The following KCNN3 variants were observed in gnomAD, a reference collection of about 807,000 sequenced individuals.
KCNN3 encodes potassium calcium-activated channel subfamily N member 3.
In KCNN3, 16 loss-of-function variants were observed where a neutral mutation model predicts 62.9. The observed-to-expected ratio is 0.25, with a 90% CI of 0.17 to 0.39. The LOEUF is 0.39. Among genes scored for constraint, KCNN3 ranks in the 10% least tolerant of loss-of-function variants. The probability of loss-of-function intolerance (pLI) is 1.00; values close to 1 mark genes in which losing one functional copy is unlikely to be tolerated. For synonymous variants in KCNN3, 370 were observed against 389.2 expected (o/e 0.95, Z 0.58); for missense variants, 599 against 949.4 (o/e 0.63, Z 4.85).
intron 2 of KCNN3, among the ~76,000 whole-genome samples, chr1:154,800,324 C>T (rs1368511076): frequency 2.0e-5 from 3 of 152,196 alleles, no homozygotes; most frequent in Non-Finnish European, 4.4e-5. Flanking sequence ...ATTTCCATTG[C>T]TTTCCCACCA....
At chr1:154,750,038 G>C (rs1647292699) in intron 3 of KCNN3, among the ~76,000 whole-genome samples, 1 of 152,216 alleles carries the variant, frequency 6.6e-6, no homozygotes. Flanking sequence ...CTCAGGGGCT[G>C]GTCCGGCCCC....
chr1:154,837,906 CTG>C (rs1651658527), intron 1 of KCNN3, among the ~76,000 whole-genome samples: 1 of 152,184 alleles, frequency 6.6e-6, no homozygotes, highest in African/African-American at 2.4e-5. Context: ...CCAGCCAGGG[CTG>C]TGTGCCGTGG....
chr1:154,737,059 G>A (rs1316067982), intron 3 of KCNN3: 3 of 702,440 alleles, frequency 4.3e-6, no homozygotes, highest in Non-Finnish European at 7.8e-6. Flanking sequence ...AGGAAGTGAT[G>A]AGCCAGAAGG....
chr1:154,750,958 CAG>C lies in KCNN3; in HGVS notation c.1449-17816_1449-17815del, dbSNP rs1647349504. ...CTGCCTGCTGTGTCAGCTTTACCAT[CAG>C]AGTCACTGAGTCTTGGGGCTCCCTC... On this transcript the variant is annotated intron_variant, in intron 3 of 7. Coordinates refer to ENST00000271915, the MANE Select transcript of KCNN3 (RefSeq NM_002249.6). Among the ~76,000 whole-genome samples, 5 of 152,336 alleles carry C rather than the reference CAG, an allele frequency of 3.3e-5. No individual in the cohort carries two copies. In the South Asian group the frequency reaches 1.0e-3, roughly 32 times the overall value.
At chr1:154,796,537 T>C (rs963517908) in intron 2 of KCNN3, among the ~76,000 whole-genome samples, 1 of 152,078 alleles carries the variant, frequency 6.6e-6, no homozygotes, top group African/African-American at 2.4e-5. Flanking sequence ...AAAAAAAAAA[T>C]TTAGGTGCAG....
chr1:154,731,038 A>G (rs1039109519), intron 4 of KCNN3, among the ~76,000 whole-genome samples: 13 of 152,082 alleles, frequency 8.5e-5, no homozygotes, highest in African/African-American at 2.2e-4. Context: ...GGGGACAGCT[A>G]TGTGCTGAGA....
chr1:154,828,444 T>C (rs760775527), intron 1 of KCNN3, among the ~76,000 whole-genome samples: 7 of 151,906 alleles, frequency 4.6e-5, no homozygotes, highest in Non-Finnish European at 7.4e-5. Flanking sequence ...CACCATCTTC[T>C]CCTCAAACAC....
chr1:154,801,651 T>C (rs1649957770), intron 2 of KCNN3, among the ~76,000 whole-genome samples: 1 of 152,250 alleles, frequency 6.6e-6, no homozygotes, highest in Non-Finnish European at 1.5e-5. Flanking sequence ...TTGCCACTTA[T>C]TTTTAAGTGC....
rs752523520 is a variant in KCNN3 at position 154,824,764 on chromosome 1, A to AG, written c.934-2581dup. Among the ~76,000 whole-genome samples the AG allele has an allele frequency of 2.0e-5, 3 of 152,312 alleles. No homozygotes were observed. The South Asian group carries it at 6.2e-4, about 32-fold the overall frequency. ...TCCATCATTTTAAAGGAAGCAGTGA[A>AG]GGGAAAGGGGCCAGATGCTCTCTCC... On this transcript the variant is annotated intron_variant, in intron 1 of 7. Coordinates refer to ENST00000271915, the MANE Select transcript of KCNN3 (RefSeq NM_002249.6).
At chr1:154,823,866 C>A (rs9970195) in intron 1 of KCNN3, among the ~76,000 whole-genome samples, 37,642 of 151,944 alleles carry the variant, frequency 0.25, 5,374 homozygotes, top group East Asian at 0.47. Flanking sequence ...GGGCTTGGGA[C>A]TCGAACCCAG....
chr1:154,733,155 G>A lies in KCNN3; in HGVS notation c.1449-11C>T, dbSNP rs1700634350. 6.2e-7 allele frequency: 1 copy of A among 1,614,170 alleles called. No homozygotes were observed. Among genetic ancestry groups the A allele is most frequent in the East Asian group, 2.2e-5 (1 of 44,886 alleles). On this transcript the variant is annotated splice_polypyrimidine_tract_variant and intron_variant, in intron 3 of 7. Transcript: ENST00000271915. Reference sequence around the variant, plus strand: ...TGCTGGTCATGGTACCTGCCAATGGGAAGACAGGAGTTAGTCGATGAACAG... The same window carrying A: ...TGCTGGTCATGGTACCTGCCAATGGAAAGACAGGAGTTAGTCGATGAACAG...
At chr1:154,709,093 C>T (rs1294031741) in intron 7 of KCNN3, among the ~76,000 whole-genome samples, 1 of 152,160 alleles carries the variant, frequency 6.6e-6, no homozygotes, top group Non-Finnish European at 1.5e-5. Flanking sequence ...AGTACCCCTC[C>T]TGCACTCAGC....
chr1:154,767,318 G>A (rs1648340718), intron 3 of KCNN3, among the ~76,000 whole-genome samples: 1 of 152,180 alleles, frequency 6.6e-6, no homozygotes, highest in Non-Finnish European at 1.5e-5. Flanking sequence ...CAGACTGGAA[G>A]GCCTGGGACA....
At chr1:154,712,054 CAG>C (rs1700089719) in intron 7 of KCNN3, among the ~76,000 whole-genome samples, 1 of 150,646 alleles carries the variant, frequency 6.6e-6, no homozygotes, top group African/African-American at 2.5e-5. Context: ...AAGAGAGAGA[CAG>C]GGAGAGGGAG....
rs187641956 is a variant in KCNN3 at position 154,778,146 on chromosome 1, G to A, written c.1030-5753C>T. 1.6e-4 allele frequency among the ~76,000 whole-genome samples: 25 copies of A among 152,294 alleles called. 1 individual carries two copies. The highest frequency in any genetic ancestry group is 3.4e-4 in the Non-Finnish European group (23 of 68,036). ...CTAATCCCTCTACCACTTAACTGGT[G>A]GTTCTGAGAACTTGCCGGATTTTCA... On this transcript the variant is annotated intron_variant, in intron 2 of 7. Transcript: ENST00000271915.
chr1:154,813,173 G>A (rs1460073124), intron 2 of KCNN3, among the ~76,000 whole-genome samples: 3 of 151,732 alleles, frequency 2.0e-5, no homozygotes, highest in Admixed American at 2.0e-4. Flanking sequence ...GGTTGCTGGG[G>A]TGGGAGCCCC....
At chr1:154,726,674 A>G (rs1306163175) in intron 4 of KCNN3, among the ~76,000 whole-genome samples, 1 of 152,238 alleles carries the variant, frequency 6.6e-6, no homozygotes. Context: ...GACTCAGCAC[A>G]AGGAATCGGT....
At chr1:154,856,751 C>T (rs1305729491) in intron 1 of KCNN3, among the ~76,000 whole-genome samples, 2 of 152,174 alleles carry the variant, frequency 1.3e-5, no homozygotes, top group East Asian at 1.9e-4. Flanking sequence ...AGACAGCTTC[C>T]CAAAGCCACA....
At chr1:154,740,790 G>A (rs1193270153) in intron 3 of KCNN3, among the ~76,000 whole-genome samples, 9 of 152,090 alleles carry the variant, frequency 5.9e-5, no homozygotes, top group Non-Finnish European at 1.3e-4. Flanking sequence ...CTCTTCTGTG[G>A]CGTGTCATTC....
Sources: gnomAD v4.1 joint callset for allele counts (sites outside exome capture counted in the v4.1 genomes callset) on GRCh38, gnomAD v4.1.1 for gene constraint, MANE v1.5 for transcripts, NCBI Gene and HGNC (gene_info 2026-07-23, HGNC 2026-07-21) for gene names.